DOCK1: variants seen among roughly 807,000 people sequenced by gnomAD.
DOCK1 encodes the protein dedicator of cytokinesis protein 1.
In DOCK1, 138 loss-of-function variants were observed where a neutral mutation model predicts 262.7. The ratio of observed to expected loss-of-function variants is 0.53; its 90% CI spans 0.46 to 0.61. DOCK1 has a LOEUF of 0.61. DOCK1 is among the 20% of genes least tolerant of loss of function. The pLI is 0.00. For missense variants in DOCK1, 1,908 were observed against 2,370.7 expected, an observed-to-expected ratio of 0.80 and a Z score of 4.05; for synonymous variants, 866 against 867.4, an observed-to-expected ratio of 1.00 and a Z score of 0.03.
intron 1 of DOCK1, among the ~76,000 whole-genome samples, chr10:126,943,785 T>G (rs1477814789): frequency 1.3e-5 from 2 of 151,712 alleles, no homozygotes; most frequent in African/African-American, 4.8e-5. Flanking sequence ...GTTAATGAGA[T>G]GAAGAGGGGT....
At chr10:126,957,806 C>G (rs981874166) in intron 1 of DOCK1, among the ~76,000 whole-genome samples, 29 of 152,100 alleles carry the variant, frequency 1.9e-4, no homozygotes, top group Non-Finnish European at 4.1e-4. Context: ...TAACTCAAAC[C>G]TGGAAACAAA....
chr10:127,030,895 A>G (rs2043192555), intron 16 of DOCK1, among the ~76,000 whole-genome samples: 1 of 151,406 alleles, frequency 6.6e-6, no homozygotes, highest in Non-Finnish European at 1.5e-5. Context: ...ATTATCACGA[A>G]AATAAATCAG....
intron 46 of DOCK1, among the ~76,000 whole-genome samples, chr10:127,423,797 G>A (rs1078336): frequency 2.0e-5 from 3 of 152,016 alleles, no homozygotes; most frequent in Non-Finnish European, 4.4e-5. Context: ...CTGTGCAGGG[G>A]ACAGACAGGA....
chr10:127,192,868 G>A (rs1213373705), intron 27 of DOCK1: 1 of 152,166 alleles, frequency 6.6e-6, no homozygotes, highest in East Asian at 1.9e-4. Flanking sequence ...GTTCCTGCAA[G>A]TCTGTATTCT....
chr10:127,111,461 G>A (rs939669029), intron 25 of DOCK1, among the ~76,000 whole-genome samples: 1 of 152,022 alleles, frequency 6.6e-6, no homozygotes, highest in African/African-American at 2.4e-5. Flanking sequence ...CATGGTCTGG[G>A]ACTCAAAGCA....
At chr10:126,989,917 C>A (rs1380320159) in intron 5 of DOCK1, among the ~76,000 whole-genome samples, 1 of 152,174 alleles carries the variant, frequency 6.6e-6, no homozygotes, top group Admixed American at 6.5e-5. Flanking sequence ...GTTGTACACA[C>A]CACAGTGTGC....
chr10:127,425,341 A>G (rs1352780921), intron 46 of DOCK1, among the ~76,000 whole-genome samples: 1 of 152,188 alleles, frequency 6.6e-6, no homozygotes, highest in East Asian at 1.9e-4. Flanking sequence ...TCGGAAGTGA[A>G]GTGTTGGCAT....
chr10:127,042,973 T>TG (rs2044118509), intron 20 of DOCK1, 91 bp from the exon 21 acceptor site: 2 of 1,050,296 alleles, frequency 1.9e-6, no homozygotes, highest in Admixed American at 4.8e-5. Context: ...ATGGTTCATA[T>TG]CCTAACACAG....
intron 50 of DOCK1, among the ~76,000 whole-genome samples, chr10:127,444,938 G>C (rs559517291): frequency 6.6e-6 from 1 of 151,636 alleles, no homozygotes; most frequent in Non-Finnish European, 1.5e-5. Context: ...CTGTCTCCAC[G>C]TGGCCTCCTT....
chr10:127,284,028 G>A (rs939145261), intron 29 of DOCK1, among the ~76,000 whole-genome samples: 2 of 152,120 alleles, frequency 1.3e-5, no homozygotes, highest in Non-Finnish European at 2.9e-5. Flanking sequence ...GCAAAATGTT[G>A]TTTTATTTTT....
At chr10:127,274,397 T>C (rs1011087989) in intron 29 of DOCK1, among the ~76,000 whole-genome samples, 5 of 152,220 alleles carry the variant, frequency 3.3e-5, no homozygotes, top group Non-Finnish European at 7.3e-5. Flanking sequence ...AGAGCACTGC[T>C]GTCACTGCCT....
chr10:127,012,285 T>C lies in DOCK1; in HGVS notation c.1112T>C (p.Phe371Ser). The C allele has an allele frequency of 6.2e-7, 1 of 1,613,968 alleles. No homozygotes were observed. Among genetic ancestry groups the C allele is most frequent in the Non-Finnish European group, 8.5e-7 (1 of 1,179,860 alleles). Residue 371 changes from phenylalanine to serine, a missense_variant, in exon 12 of 52, where the codon TTT (phenylalanine) becomes TCT (serine). Transcript: ENST00000623213. The surrounding 1 kb of genome is among the most constrained non-coding windows in gnomAD (Gnocchi z 4.0). Reference sequence around the variant, plus strand: ...AAGCCGCTGAACATGTCATCCCGTTTTTCACCCAGGGTGGCAGGGGAGAAT... The same window carrying C: ...AAGCCGCTGAACATGTCATCCCGTTCTTCACCCAGGGTGGCAGGGGAGAAT... ...RHKPLNMSSR[F>S]SPRVAGENDF...
intron 51 of DOCK1, among the ~76,000 whole-genome samples, chr10:127,448,845 G>A (rs771479836): frequency 2.8e-5 from 4 of 144,926 alleles, no homozygotes; most frequent in Admixed American, 7.0e-5. Flanking sequence ...TAAATCCCAC[G>A]TGCCATTTCT....
In DOCK1 at chr10:127,373,856, T is replaced by C; in HGVS notation, c.3508T>C (p.Phe1170Leu). ...AGGAGACGAACAGTACAAAGTGTTA[T>C]TTGATAAAATGTAAGTGTTGATTAG... ...GRGDEQYKVL[F>L]DKILLEHCRK... is the part of the protein sequence containing the mutation. Residue 1170 changes from phenylalanine (F) to leucine (L), a missense_variant, in exon 34 of 52, where the codon TTT becomes CTT. Phe to Leu is a conservative substitution (Grantham distance 22). Around this residue, in one of 9 missense-constraint regions of DOCK1, gnomAD observed 518 missense variants for 575.1 expected, o/e 0.90. Coordinates refer to ENST00000623213, the MANE Select transcript of DOCK1 (RefSeq NM_001290223.2). 1 of 1,607,068 alleles carries C rather than the reference T, an allele frequency of 6.2e-7. No individual in the cohort carries two copies. The highest frequency in any genetic ancestry group is 8.5e-7 in the Non-Finnish European group (1 of 1,176,478).
chr10:127,371,228 G>T (rs980755816), intron 33 of DOCK1, among the ~76,000 whole-genome samples: 3 of 152,260 alleles, frequency 2.0e-5, no homozygotes, highest in Non-Finnish European at 2.9e-5. Context: ...TGGAATTAGA[G>T]GCTAGTTGTG....
At chr10:127,057,070 G>C (rs539913543) in intron 22 of DOCK1, among the ~76,000 whole-genome samples, 57 of 151,804 alleles carry the variant, frequency 3.8e-4, no homozygotes, top group African/African-American at 1.1e-3. Context: ...TTCCTAGCTT[G>C]TATAGGCTAC....
intron 4 of DOCK1, among the ~76,000 whole-genome samples, chr10:126,983,866 A>G (rs954407969): frequency 6.6e-5 from 10 of 152,108 alleles, no homozygotes; most frequent in Non-Finnish European, 1.0e-4. Flanking sequence ...TTTGTCCTCC[A>G]TGCTTTTCCC....
chr10:127,412,347 G>A (rs1055927917), intron 43 of DOCK1, among the ~76,000 whole-genome samples: 4 of 152,112 alleles, frequency 2.6e-5, no homozygotes, highest in African/African-American at 9.7e-5. Flanking sequence ...ATATAGAGGT[G>A]GGGTCTATGT....
intron 1 of DOCK1, among the ~76,000 whole-genome samples, chr10:126,931,416 C>A (rs1226660745): frequency 6.6e-6 from 1 of 152,142 alleles, no homozygotes. Context: ...TGTCTTGGAG[C>A]AGTGGGTGGT....
Sources: allele counts gnomAD v4.1 joint callset (sites outside exome capture counted in the v4.1 genomes callset), GRCh38; gene constraint gnomAD v4.1.1; regional missense constraint gnomAD v4.1.1; non-coding constraint Gnocchi (gnomAD v3.1); transcripts MANE v1.5; gene names NCBI Gene and HGNC (gene_info 2026-07-23, HGNC 2026-07-21).